The following ITSN1 variants were observed in gnomAD, a reference collection of about 807,000 sequenced individuals.
The protein encoded by ITSN1 is intersectin 1.
A neutral mutation model predicts 239.8 loss-of-function variants in ITSN1; 58 were observed. The ratio of observed to expected loss-of-function variants is 0.24; its 90% CI spans 0.20 to 0.30. ITSN1 has a LOEUF of 0.30. ITSN1 is among the 10% of genes least tolerant of loss of function. ITSN1 has a pLI of 1.00. For synonymous variants in ITSN1, 780 were observed against 770.8 expected, an observed-to-expected ratio of 1.01 and a Z score of -0.20; for missense variants, 1,558 against 2,103.3, an observed-to-expected ratio of 0.74 and a Z score of 5.07.
intron 24 of ITSN1, among the ~76,000 whole-genome samples, chr21:33,821,603 C>T (rs1326727816): frequency 3.9e-5 from 6 of 152,136 alleles, no homozygotes; most frequent in African/African-American, 1.4e-4. Context: ...CTCTGGGTTT[C>T]ATTGTCACCC....
intron 1 of ITSN1, among the ~76,000 whole-genome samples, chr21:33,677,342 CTT>C (rs748470766): frequency 9.1e-4 from 125 of 136,904 alleles, no homozygotes; most frequent in African/African-American, 2.2e-3. Flanking sequence ...AAGCAGAATT[CTT>C]TTTTTTTTTT....
chr21:33,715,802 C>T (rs529526612), intron 1 of ITSN1, among the ~76,000 whole-genome samples: 6 of 152,210 alleles, frequency 3.9e-5, no homozygotes, highest in African/African-American at 1.2e-4. Flanking sequence ...CCTGTAATCC[C>T]AGCTACTTCG....
chr21:33,649,792 G>C (rs922476770), intron 1 of ITSN1, among the ~76,000 whole-genome samples: 1 of 151,978 alleles, frequency 6.6e-6, no homozygotes. Flanking sequence ...CGAGGTGTGC[G>C]GATCATGAGG....
At chr21:33,651,168 G>C (rs2088496474) in intron 1 of ITSN1, among the ~76,000 whole-genome samples, 1 of 152,246 alleles carries the variant, frequency 6.6e-6, no homozygotes, top group Non-Finnish European at 1.5e-5. Flanking sequence ...CTCTGAGCTG[G>C]TACAGAGCAA....
chr21:33,653,417 T>G (rs560000372), intron 1 of ITSN1, among the ~76,000 whole-genome samples: 1 of 152,362 alleles, frequency 6.6e-6, no homozygotes, highest in East Asian at 1.9e-4. Context: ...CCTCTAAGAC[T>G]TCTATGCTTT....
chr21:33,775,794 G>T (rs896845020), intron 14 of ITSN1, among the ~76,000 whole-genome samples: 2 of 152,108 alleles, frequency 1.3e-5, no homozygotes, highest in Non-Finnish European at 2.9e-5. Context: ...ATTTTAGGGG[G>T]TCATATGAGA....
chr21:33,817,975 C>T (rs146968816), intron 22 of ITSN1: 110 of 432,746 alleles, frequency 2.5e-4, no homozygotes, highest in African/African-American at 2.1e-3. Flanking sequence ...GGGCACACAG[C>T]CAGATGCAAC....
intron 24 of ITSN1, 139 bp downstream of exon 24, chr21:33,819,462 T>A (rs1195032863): frequency 1.8e-6 from 1 of 542,040 alleles, no homozygotes; most frequent in African/African-American, 1.9e-5. Context: ...TAAGTTTAGC[T>A]CTTTACAGAA....
At chr21:33,860,046 C>T (rs1980180640) in intron 31 of ITSN1, among the ~76,000 whole-genome samples, 1 of 152,156 alleles carries the variant, frequency 6.6e-6, no homozygotes. Flanking sequence ...GTGGCTCATG[C>T]CTGTAATCCC....
rs553487647 is a variant in ITSN1, at chr21:33,829,950, G to A, written c.3351+205G>A. Among the ~76,000 whole-genome samples, 47 of 152,308 alleles carry A rather than the reference G, an allele frequency of 3.1e-4. No homozygotes were observed. The Middle Eastern group carries it at 0.01, about 33-fold the overall frequency. ...TAACAGATTTCTGAGAGCTAGGAGC[G>A]CATACGAAAACATATCTTTCCCATT... On this transcript the variant is annotated intron_variant, in intron 27 of 39. Transcript: ENST00000381318.
At chr21:33,822,271 G>C (rs1380081336) in intron 24 of ITSN1, among the ~76,000 whole-genome samples, 3 of 152,220 alleles carry the variant, frequency 2.0e-5, no homozygotes, top group Non-Finnish European at 4.4e-5. Flanking sequence ...ACCTCCTGCA[G>C]AGGCTCTGAT....
chr21:33,791,252 G>C (rs1029795109), intron 16 of ITSN1, among the ~76,000 whole-genome samples: 1 of 152,202 alleles, frequency 6.6e-6, no homozygotes, highest in Non-Finnish European at 1.5e-5. Flanking sequence ...TCTCAGCAGT[G>C]TTTGACTTGG....
At chr21:33,871,301 G>A (rs140262700) in intron 33 of ITSN1, among the ~76,000 whole-genome samples, 3,681 of 152,140 alleles carry the variant, frequency 0.024, 64 homozygotes, top group Non-Finnish European at 0.039. Flanking sequence ...AGAAAATGCT[G>A]TTATGTGAAA....
At chr21:33,852,534 T>G (rs1270012884) in intron 29 of ITSN1, among the ~76,000 whole-genome samples, 2 of 151,584 alleles carry the variant, frequency 1.3e-5, no homozygotes, top group African/African-American at 2.4e-5. Flanking sequence ...ATTGGTAAGG[T>G]TTTTTTTTCC....
intron 1 of ITSN1, among the ~76,000 whole-genome samples, chr21:33,701,794 C>CA (rs879465116): frequency 5.7e-4 from 79 of 138,904 alleles, no homozygotes; most frequent in South Asian, 2.1e-3. Flanking sequence ...GACTCCATCT[C>CA]AAAAAAAAAA....
chr21:33,746,704 TGATGGCAGGCGCC>T (rs2067205045), intron 5 of ITSN1, among the ~76,000 whole-genome samples: 1 of 150,422 alleles, frequency 6.6e-6, no homozygotes, highest in African/African-American at 2.5e-5. Flanking sequence ...TAGCTGGACA[TGATGGCAGGCGCC>T]TATAATCCCA....
intron 4 of ITSN1, among the ~76,000 whole-genome samples, chr21:33,731,873 C>T (rs1324964715): frequency 6.6e-6 from 1 of 152,194 alleles, no homozygotes; most frequent in African/African-American, 2.4e-5. Context: ...GAATATGAGT[C>T]ACCAATGGCC....
chr21:33,765,147 T>C (rs1044702280), intron 9 of ITSN1, among the ~76,000 whole-genome samples: 3 of 152,266 alleles, frequency 2.0e-5, no homozygotes, highest in African/African-American at 7.2e-5. Context: ...TTGTATGTCT[T>C]ATAAACTGTA....
At chr21:33,853,908 G>A (rs1357367894) in intron 29 of ITSN1, among the ~76,000 whole-genome samples, 1 of 152,194 alleles carries the variant, frequency 6.6e-6, no homozygotes, top group Admixed American at 6.5e-5. Flanking sequence ...TCAGCGGAGG[G>A]TGGGGCAGTA....
Sources: gnomAD v4.1 joint callset for allele counts (sites outside exome capture counted in the v4.1 genomes callset) on GRCh38, gnomAD v4.1.1 for gene constraint, MANE v1.5 for transcripts, NCBI Gene and HGNC (gene_info 2026-07-23, HGNC 2026-07-21) for gene names.